The following SAMMSON variants were observed in gnomAD, a reference collection of about 807,000 sequenced individuals.
SAMMSON encodes long intergenic non-protein coding RNA 1212.
At chr3:70,300,146 T>A (rs1702333596) in intron 7 of SAMMSON, among the ~76,000 whole-genome samples, 1 of 152,128 alleles carries the variant, frequency 6.6e-6, no homozygotes, top group African/African-American at 2.4e-5. Context: ...TTGAAATTTA[T>A]CCTTCCATTT....
chr3:70,422,199 C>T (rs1160866334), intron 2 of SAMMSON, among the ~76,000 whole-genome samples: 1 of 151,776 alleles, frequency 6.6e-6, no homozygotes, highest in Non-Finnish European at 1.5e-5. Context: ...AGGACAGAGG[C>T]ATAAAATGAA....
chr3:70,352,962 A>G (rs1366499487), intron 7 of SAMMSON, among the ~76,000 whole-genome samples: 1 of 152,124 alleles, frequency 6.6e-6, no homozygotes, highest in Non-Finnish European at 1.5e-5. Flanking sequence ...AAAGATAAAT[A>G]AACAATTCAA....
At chr3:70,026,751 T>G (rs2067041169) in intron 3 of SAMMSON, among the ~76,000 whole-genome samples, 1 of 152,236 alleles carries the variant, frequency 6.6e-6, no homozygotes, top group Non-Finnish European at 1.5e-5. Flanking sequence ...ACTAAGTTTC[T>G]GAACTGGTTA....
intron 4 of SAMMSON, among the ~76,000 whole-genome samples, chr3:70,144,589 G>T (rs1335658291): frequency 6.6e-6 from 1 of 152,108 alleles, no homozygotes; most frequent in Non-Finnish European, 1.5e-5. Flanking sequence ...TTATGTTACT[G>T]ATATGGTTTG....
intron 4 of SAMMSON, among the ~76,000 whole-genome samples, chr3:70,236,404 G>A (rs1237797271): frequency 6.6e-6 from 1 of 151,856 alleles, no homozygotes; most frequent in Non-Finnish European, 1.5e-5. Flanking sequence ...ATTTGGAATG[G>A]CCTCTAAAGA....
downstream of SAMMSON, among the ~76,000 whole-genome samples, chr3:70,392,621 TG>T (rs1414890030): frequency 6.6e-6 from 1 of 152,160 alleles, no homozygotes; most frequent in Non-Finnish European, 1.5e-5. Flanking sequence ...AGAGTTAAAA[TG>T]GGGGCTCTAG....
chr3:70,124,375 C>T (rs764146805), intron 4 of SAMMSON, among the ~76,000 whole-genome samples: 3 of 152,034 alleles, frequency 2.0e-5, no homozygotes, highest in Admixed American at 6.6e-5. Flanking sequence ...TTATCATTTG[C>T]GGGAGAAATG....
At chr3:70,380,309 T>C (rs1703054650) in intron 9 of SAMMSON, among the ~76,000 whole-genome samples, 1 of 152,104 alleles carries the variant, frequency 6.6e-6, no homozygotes, top group Non-Finnish European at 1.5e-5. Flanking sequence ...ACACCTGAAT[T>C]TTCAGCAGAA....
At position 70,236,566 on chromosome 3, in the gene SAMMSON, T is replaced by C. The variant is rs144606586; in HGVS notation, n.508-12541T>C. 9.4e-3 allele frequency among the ~76,000 whole-genome samples: 1,433 copies of C among 152,266 alleles called. 21 individuals carry two copies. Among genetic ancestry groups the C allele is most frequent in the African/African-American group, 0.032 (1,348 of 41,556 alleles). On this transcript the variant is annotated intron_variant and non_coding_transcript_variant, in intron 4 of 9. Coordinates refer to ENST00000642114, the Ensembl canonical transcript of SAMMSON. ...AATTTTTTAAAGTCCATACTCCTTT[T>C]GGGGCCTGTAAATTGACCCTTATTT...
At chr3:70,347,675 C>A (rs1486344065) in intron 7 of SAMMSON, among the ~76,000 whole-genome samples, 1 of 152,128 alleles carries the variant, frequency 6.6e-6, no homozygotes, top group Non-Finnish European at 1.5e-5. Context: ...GTCAAAAAGA[C>A]CTGGCCCTAC....
rs183459961 is a variant in SAMMSON, at chr3:70,324,445, C to T, written n.740-29730C>T. ...TAGTCATAGGTGAGAAATTTAACTC[C>T]GTGGTCAAATATATTTGAGAAACTG... On this transcript the variant is annotated intron_variant and non_coding_transcript_variant, in intron 7 of 9. Transcript: ENST00000642114. Among the ~76,000 whole-genome samples the T allele has an allele frequency of 2.3e-4, 25 of 106,384 alleles. No individual in the cohort carries two copies. In the East Asian group the frequency reaches 2.9e-3, roughly 12 times the overall value. The allele number at this position is 106,384 out of a possible 152,430, so 69.8% of individuals were successfully genotyped here.
chr3:70,285,303 T>C (rs577325216), intron 6 of SAMMSON, among the ~76,000 whole-genome samples: 30 of 149,320 alleles, frequency 2.0e-4, no homozygotes, highest in Middle Eastern at 7.0e-3. Context: ...TGAGAATATG[T>C]GGTGTTTGGT....
chr3:70,401,572 T>C (rs535777121), intron 2 of SAMMSON, among the ~76,000 whole-genome samples: 12 of 152,312 alleles, frequency 7.9e-5, no homozygotes, highest in African/African-American at 2.9e-4. Context: ...TCATTGCCAA[T>C]TTCCAATACT....
intron 4 of SAMMSON, among the ~76,000 whole-genome samples, chr3:70,135,779 ATG>A (rs1165694907): frequency 1.3e-5 from 2 of 152,138 alleles, no homozygotes; most frequent in Non-Finnish European, 2.9e-5. Context: ...TGTACTTTCT[ATG>A]TTATGTATAT....
At chr3:70,337,025 TTAA>T (rs1160674085) in intron 7 of SAMMSON, among the ~76,000 whole-genome samples, 4 of 134,326 alleles carry the variant, frequency 3.0e-5, no homozygotes, top group Admixed American at 7.6e-5. Flanking sequence ...ATTATTATTA[TTAA>T]TAATAATATC....
intron 4 of SAMMSON, among the ~76,000 whole-genome samples, chr3:70,117,154 C>A (rs1336528095): frequency 6.6e-6 from 1 of 152,202 alleles, no homozygotes; most frequent in East Asian, 1.9e-4. Flanking sequence ...TTTATGTAAA[C>A]TGTCACCAGA....
chr3:70,272,904 C>G (rs191404334), intron 6 of SAMMSON, among the ~76,000 whole-genome samples: 3 of 152,298 alleles, frequency 2.0e-5, no homozygotes, highest in Non-Finnish European at 4.4e-5. Context: ...TCTAAGGAGA[C>G]AGCTAGCAAC....
intron 3 of SAMMSON, among the ~76,000 whole-genome samples, chr3:70,040,493 G>C (rs1275730702): frequency 6.6e-6 from 1 of 152,150 alleles, no homozygotes; most frequent in Non-Finnish European, 1.5e-5. Flanking sequence ...AAACAGCACA[G>C]TGAGATACTG....
intron 4 of SAMMSON, among the ~76,000 whole-genome samples, chr3:70,219,681 A>G (rs1701444821): frequency 6.6e-6 from 1 of 152,226 alleles, no homozygotes; most frequent in African/African-American, 2.4e-5. Flanking sequence ...ACAGAATTAA[A>G]ATCTGCATCA....
Sources: allele counts gnomAD v4.1 joint callset (sites outside exome capture counted in the v4.1 genomes callset), GRCh38; gene constraint gnomAD v4.1.1; transcripts MANE v1.5; gene names NCBI Gene and HGNC (gene_info 2026-07-23, HGNC 2026-07-21).